Variants in CALN1 observed in about 807,000 individuals in gnomAD.
CALN1 encodes the protein calneuron 1.
CALN1 carries 17 observed loss-of-function variants against 30.6 expected under a neutral mutation model. That is an observed-to-expected ratio of 0.56 (90% CI 0.38 to 0.83). The LOEUF (loss-of-function observed/expected upper bound fraction) is 0.83, where lower values mean the gene tolerates loss of function less well. Among genes scored for constraint, CALN1 ranks in the 40% least tolerant of loss-of-function variants. The probability of loss-of-function intolerance (pLI) is 0.00; values close to 1 mark genes in which losing one functional copy is unlikely to be tolerated. For missense variants in CALN1, 291 were observed against 354.9 expected, an observed-to-expected ratio of 0.82 and a Z score of 1.45; for synonymous variants, 156 against 131.4, an observed-to-expected ratio of 1.19 and a Z score of -1.28.
At chr7:72,415,612 C>G (rs1807397201), upstream of CALN1, among the ~76,000 whole-genome samples, 1 of 152,198 alleles carries the variant, frequency 6.6e-6, no homozygotes. Flanking sequence ...AAATAACAAA[C>G]ACACAAGTAA....
At chr7:72,117,055 G>GTAA (rs1405771624) in intron 3 of CALN1, among the ~76,000 whole-genome samples, 2 of 152,200 alleles carry the variant, frequency 1.3e-5, no homozygotes, top group Non-Finnish European at 2.9e-5. Flanking sequence ...GCTCATGCCT[G>GTAA]TAATTCCAGC....
rs574995502 is a variant in CALN1, at chr7:72,218,500, G to A, written c.244+60186C>T. Among the ~76,000 whole-genome samples the A allele has an allele frequency of 4.6e-5, 7 of 152,200 alleles. No individual in the cohort carries two copies. In the South Asian group the frequency reaches 1.0e-3, roughly 23 times the overall value. The stretch of plus-strand genomic sequence containing the variant: ...TGCTTTGGGTAACCAAAGCAACAAT[G>A]AAGTGCCCAGCTCAGTAGCCTGTTA... On this transcript the variant is annotated intron_variant, in intron 3 of 6. Coordinates refer to ENST00000395275, the MANE Select transcript of CALN1 (RefSeq NM_031468.4).
intron 1 of CALN1, among the ~76,000 whole-genome samples, chr7:72,406,182 G>C (rs1259419911): frequency 6.6e-6 from 1 of 152,284 alleles, no homozygotes; most frequent in East Asian, 1.9e-4. Context: ...CCCTCTCCCA[G>C]TCACAGCTGC....
At chr7:71,830,976 TTTTATTG>T (rs1789240466) in intron 5 of CALN1, among the ~76,000 whole-genome samples, 1 of 152,174 alleles carries the variant, frequency 6.6e-6, no homozygotes, top group South Asian at 2.1e-4. Flanking sequence ...TTTGTGTCAC[TTTTATTG>T]GCAGCTGCAG....
chr7:72,442,331 CA>C (rs1808373163), intron 1 of CALN1, among the ~76,000 whole-genome samples: 1 of 152,226 alleles, frequency 6.6e-6, no homozygotes. Flanking sequence ...TCACTCAAAG[CA>C]AAAGCCAAAG....
At chr7:72,014,775 C>T (rs1800283819) in intron 5 of CALN1, among the ~76,000 whole-genome samples, 1 of 152,142 alleles carries the variant, frequency 6.6e-6, no homozygotes, top group Non-Finnish European at 1.5e-5. Context: ...GATCCTCCCA[C>T]CTCAGCCTCC....
chr7:72,454,034 T>A, the CALN1 span, among the ~76,000 whole-genome samples: 1 of 151,210 alleles, frequency 6.6e-6, no homozygotes, highest in African/African-American at 2.5e-5. Context: ...CTAAAAAACT[T>A]TGCTTTGGGA....
intron 3 of CALN1, among the ~76,000 whole-genome samples, chr7:72,176,696 G>A (rs1410289656): frequency 2.0e-5 from 3 of 152,058 alleles, no homozygotes; most frequent in African/African-American, 7.2e-5. Flanking sequence ...CCAAACTTCA[G>A]GCCTTTCTTC....
At chr7:71,795,213 G>T (rs1191334550) in intron 6 of CALN1, among the ~76,000 whole-genome samples, 1 of 151,970 alleles carries the variant, frequency 6.6e-6, no homozygotes, top group African/African-American at 2.4e-5. Context: ...GTAGAGACGG[G>T]GTTTCATCAT....
rs565377476 is a variant in CALN1 at position 72,400,790 on chromosome 7, A to C, written c.119+2461T>G. Among the ~76,000 whole-genome samples, 25 of 152,184 alleles carry C rather than the reference A, an allele frequency of 1.6e-4. No homozygotes were observed. In the South Asian group the frequency reaches 5.2e-3, roughly 32 times the overall value. On this transcript the variant is annotated intron_variant, in intron 2 of 6. Transcript: ENST00000395275. ...TCTGGCCTTAGATTTCATGAGACCC[A>C]CCCTCTGCCCACTCCCATGGATATC...
intron 5 of CALN1, among the ~76,000 whole-genome samples, chr7:71,814,818 CAT>C (rs753722898): frequency 1.3e-4 from 19 of 151,584 alleles, no homozygotes; most frequent in African/African-American, 2.9e-4. Context: ...TAACATACAA[CAT>C]ATGAGTTAAT....
chr7:72,123,169 C>T (rs1808508660), intron 3 of CALN1, among the ~76,000 whole-genome samples: 1 of 152,200 alleles, frequency 6.6e-6, no homozygotes. Context: ...CTAATTCACT[C>T]ATTTTGTAGT....
At chr7:72,143,977 A>G (rs1279784149) in intron 3 of CALN1, among the ~76,000 whole-genome samples, 4 of 152,258 alleles carry the variant, frequency 2.6e-5, no homozygotes, top group East Asian at 1.9e-4. Flanking sequence ...TGAATGAAGC[A>G]CTAAACATGG....
At chr7:72,241,329 T>C (rs1478806865) in intron 3 of CALN1, among the ~76,000 whole-genome samples, 1 of 152,214 alleles carries the variant, frequency 6.6e-6, no homozygotes, top group Non-Finnish European at 1.5e-5. Flanking sequence ...GGGGTGTCTT[T>C]ATTTTGTTCT....
At chr7:72,341,571 G>C (rs1301487534) in intron 2 of CALN1, among the ~76,000 whole-genome samples, 1 of 152,148 alleles carries the variant, frequency 6.6e-6, no homozygotes, top group Non-Finnish European at 1.5e-5. Context: ...TAAGTGTAGA[G>C]ATACACACAT....
At chr7:72,353,943 T>C (rs182711756) in intron 2 of CALN1, among the ~76,000 whole-genome samples, 40 of 152,286 alleles carry the variant, frequency 2.6e-4, no homozygotes, top group Non-Finnish European at 2.8e-4. Flanking sequence ...TCCCAGCACT[T>C]TGGGAGGCCA....
At chr7:71,863,432 C>A (rs1243779508) in intron 5 of CALN1, among the ~76,000 whole-genome samples, 1 of 151,400 alleles carries the variant, frequency 6.6e-6, no homozygotes, top group Non-Finnish European at 1.5e-5. Flanking sequence ...GTCACACATG[C>A]CTGTAGTCCC....
intron 3 of CALN1, among the ~76,000 whole-genome samples, chr7:72,270,529 T>C (rs1796906246): frequency 6.6e-6 from 1 of 152,178 alleles, no homozygotes; most frequent in Non-Finnish European, 1.5e-5. Flanking sequence ...CCCAGTACTT[T>C]GGGAGACTGA....
chr7:72,032,685 C>A (rs762911994), intron 4 of CALN1, among the ~76,000 whole-genome samples: 6 of 152,166 alleles, frequency 3.9e-5, no homozygotes, highest in Non-Finnish European at 8.8e-5. Context: ...AGCTTTAATG[C>A]AAATGGCAAT....
Sources: allele counts gnomAD v4.1 joint callset (sites outside exome capture counted in the v4.1 genomes callset), GRCh38; gene constraint gnomAD v4.1.1; transcripts MANE v1.5; gene names NCBI Gene and HGNC (gene_info 2026-07-23, HGNC 2026-07-21).